The following ITPR1 variants were observed in gnomAD, a reference collection of about 807,000 sequenced individuals.
ITPR1 encodes the protein inositol 1,4,5-trisphosphate receptor type 1.
ITPR1 carries 96 observed loss-of-function variants against 318.4 expected under a neutral mutation model. The observed-to-expected ratio is 0.30, with a 90% CI of 0.26 to 0.36. The LOEUF is 0.36. Ranked by LOEUF, ITPR1 falls within the 10% of genes least tolerant of loss-of-function variation. The pLI, the probability that ITPR1 is intolerant of heterozygous loss-of-function variation, is 1.00. For missense variants in ITPR1, 2,440 were observed against 3,460.2 expected (o/e 0.71, Z 7.40); for synonymous variants, 1,312 against 1,289.9 (o/e 1.02, Z -0.37).
chr3:4,619,766 T>C (rs62637210), intron 4 of ITPR1, among the ~76,000 whole-genome samples: 205 of 4,516 alleles, frequency 0.045, 4 homozygotes, highest in African/African-American at 0.057. Flanking sequence ...CCCTCCTCTC[T>C]TCTGCCCTCC....
chr3:4,847,323 A>C lies in ITPR1; in HGVS notation c.*1098A>C, dbSNP rs2051856173. 6.6e-6 allele frequency: 1 copy of C among 151,964 alleles called. No homozygotes were observed. Among genetic ancestry groups the C allele is most frequent in the Admixed American group, 6.6e-5 (1 of 15,224 alleles). 9.4% of individuals were successfully genotyped at this position (151,964 alleles called of 1,614,324 possible). ...GATTTCTTTTCTTGATGGATGAAAA[A>C]TATGAAAGGAAACTTTTATATCTGT... On this transcript the variant is annotated 3_prime_UTR_variant, in exon 62 of 62. Coordinates refer to ENST00000649015, the MANE Select transcript of ITPR1 (RefSeq NM_001378452.1).
intron 34 of ITPR1, among the ~76,000 whole-genome samples, chr3:4,699,140 G>A (rs1365758636): frequency 4.6e-5 from 7 of 151,838 alleles, no homozygotes; most frequent in Admixed American, 3.9e-4. Flanking sequence ...ATTGAGTCCA[G>A]GAGTTCGAGA....
intron 4 of ITPR1, among the ~76,000 whole-genome samples, chr3:4,551,280 G>A (rs559146257): frequency 6.0e-4 from 92 of 152,322 alleles, no homozygotes; most frequent in Admixed American, 2.4e-3. Flanking sequence ...TGGGAATGAA[G>A]AGATGGTGTT....
chr3:4,787,568 C>T (rs189651743), intron 51 of ITPR1, among the ~76,000 whole-genome samples: 4 of 146,684 alleles, frequency 2.7e-5, no homozygotes, highest in African/African-American at 7.5e-5. Context: ...CGTGAAGGTG[C>T]GTGCCTGTAA....
intron 46 of ITPR1, among the ~76,000 whole-genome samples, chr3:4,771,024 G>A (rs2046154027): frequency 6.6e-6 from 1 of 152,202 alleles, no homozygotes; most frequent in Non-Finnish European, 1.5e-5. Context: ...TTTCTGAGCA[G>A]AGCATGGTGA....
chr3:4,806,281 G>A lies in ITPR1; in HGVS notation c.7272+14G>A. The A allele has an allele frequency of 2.5e-6, 4 of 1,612,348 alleles. No individual in the cohort carries two copies. The highest frequency in any genetic ancestry group is 2.5e-6 in the Non-Finnish European group (3 of 1,178,380). On this transcript the variant is annotated intron_variant, in intron 55 of 61. Coordinates refer to ENST00000649015, the MANE Select transcript of ITPR1 (RefSeq NM_001378452.1). ...TACAGTCTGCTGGTGAGTACCTGGT[G>A]TGGAAATATTTTATGTGTGGGGAAA... is the stretch of plus-strand genomic sequence containing the variant.
chr3:4,835,011 C>T (rs2050794410), intron 60 of ITPR1, among the ~76,000 whole-genome samples: 1 of 152,140 alleles, frequency 6.6e-6, no homozygotes, highest in South Asian at 2.1e-4. Flanking sequence ...TCATTCTGTC[C>T]TTCCACAAGC....
At chr3:4,770,078 C>T (rs1259037373) in intron 46 of ITPR1, among the ~76,000 whole-genome samples, 1 of 152,178 alleles carries the variant, frequency 6.6e-6, no homozygotes, top group Non-Finnish European at 1.5e-5. Context: ...TCCTAAGACA[C>T]TCCAGTCAGC....
At chr3:4,576,812 C>T (rs2088711884) in intron 4 of ITPR1, among the ~76,000 whole-genome samples, 1 of 152,196 alleles carries the variant, frequency 6.6e-6, no homozygotes, top group Admixed American at 6.5e-5. Flanking sequence ...TTTTCCTATT[C>T]AACCCTGTCA....
intron 4 of ITPR1, among the ~76,000 whole-genome samples, chr3:4,545,606 G>T (rs1419369129): frequency 1.8e-5 from 2 of 112,258 alleles, no homozygotes; most frequent in Non-Finnish European, 3.4e-5. Flanking sequence ...CTGGGCAACA[G>T]AACGGGACCC....
At position 4,676,659 on chromosome 3, in the gene ITPR1, C is replaced by T. The variant is rs572441080; in HGVS notation, c.2825C>T (p.Thr942Ile). The change falls in exon 24 of 62, where the codon ACC (threonine) becomes ATC (isoleucine). Residue 942 changes from threonine to isoleucine, a missense_variant. Around this residue, in one of 23 missense-constraint regions of ITPR1, gnomAD observed 478 missense variants for 696.3 expected, o/e 0.69. Transcript: ENST00000649015. ...RSIHGVGELMTQVVLRGGGFL... is the reference protein window; with the variant it reads ...RSIHGVGELMIQVVLRGGGFL... The stretch of plus-strand genomic sequence containing the variant: ...ATTCATGGCGTGGGAGAGCTGATGA[C>T]CCAGGTGGTGCTCCGGGGAGGAGGC... 6.2e-7 allele frequency: 1 copy of T among 1,613,708 alleles called. No individual in the cohort carries two copies. Among genetic ancestry groups the T allele is most frequent in the East Asian group, 2.2e-5 (1 of 44,872 alleles).
At chr3:4,646,263 C>G (rs913148127) in intron 10 of ITPR1, among the ~76,000 whole-genome samples, 4 of 152,122 alleles carry the variant, frequency 2.6e-5, no homozygotes, top group African/African-American at 4.8e-5. Flanking sequence ...ATTCCACATG[C>G]TCTGGAGGTT....
Position 4,806,096 on chromosome 3 carries a change from T to G in ITPR1, c.7108-7T>G. 1 of 1,612,222 alleles carries G rather than the reference T, an allele frequency of 6.2e-7. No individual in the cohort carries two copies. The highest frequency in any genetic ancestry group is 8.5e-7 in the Non-Finnish European group (1 of 1,178,692). ...TGCCATCTGACTGTTCCTGTCATTG[T>G]TCTCAGGTATGCAATAAAATCATCT... is the stretch of plus-strand genomic sequence containing the variant. On this transcript the variant is annotated splice_region_variant and splice_polypyrimidine_tract_variant and intron_variant, in intron 54 of 61. Coordinates refer to ENST00000649015, the MANE Select transcript of ITPR1 (RefSeq NM_001378452.1).
chr3:4,679,084 G>A (rs2094244859), intron 24 of ITPR1, among the ~76,000 whole-genome samples: 1 of 152,182 alleles, frequency 6.6e-6, no homozygotes, highest in African/African-American at 2.4e-5. Flanking sequence ...AACGGCAGTA[G>A]GGGAGAACTC....
intron 3 of ITPR1, among the ~76,000 whole-genome samples, chr3:4,520,494 T>G (rs2082476708): frequency 6.6e-6 from 1 of 152,218 alleles, no homozygotes; most frequent in African/African-American, 2.4e-5. Context: ...AGTAGTTCCA[T>G]TAGAACTTCC....
At chr3:4,648,751 A>G (rs979346153) in intron 10 of ITPR1, among the ~76,000 whole-genome samples, 5 of 152,222 alleles carry the variant, frequency 3.3e-5, no homozygotes, top group African/African-American at 7.2e-5. Context: ...CGGAGGTTGC[A>G]GTGAGCCAAG....
chr3:4,808,720 CA>C (rs2048744801), intron 55 of ITPR1, among the ~76,000 whole-genome samples: 1 of 152,142 alleles, frequency 6.6e-6, no homozygotes, highest in African/African-American at 2.4e-5. Context: ...AGCCTGCAAC[CA>C]AAAGAAATCG....
chr3:4,728,481 T>C lies in ITPR1; in HGVS notation c.5220+1308T>C, dbSNP rs140794302. 1.0e-3 allele frequency among the ~76,000 whole-genome samples: 157 copies of C among 152,332 alleles called. 1 individual carries two copies. Among genetic ancestry groups the C allele is most frequent in the African/African-American group, 3.4e-3 (140 of 41,568 alleles). ...TTTTTGTGGGTACATAGTAGGTGTA[T>C]GTATTTATAGGGTACATGAGATGTT... is the stretch of plus-strand genomic sequence containing the variant. On this transcript the variant is annotated intron_variant, in intron 42 of 61. Coordinates refer to ENST00000649015, the MANE Select transcript of ITPR1 (RefSeq NM_001378452.1).
chr3:4,559,028 A>G (rs2086417712), intron 4 of ITPR1, among the ~76,000 whole-genome samples: 1 of 152,092 alleles, frequency 6.6e-6, no homozygotes, highest in South Asian at 2.1e-4. Flanking sequence ...TTTTATTAGT[A>G]GTAGTATTAT....
Sources: gnomAD v4.1 joint callset for allele counts (sites outside exome capture counted in the v4.1 genomes callset) on GRCh38, gnomAD v4.1.1 for gene constraint, gnomAD v4.1.1 regional missense constraint, MANE v1.5 for transcripts, NCBI Gene and HGNC (gene_info 2026-07-23, HGNC 2026-07-21) for gene names.